The following DNAJC5 variants were observed in gnomAD, a reference collection of about 807,000 sequenced individuals.
The protein encoded by DNAJC5 is dnaJ homolog subfamily C member 5.
Under a neutral mutation model 23.2 loss-of-function variants are expected in DNAJC5, and 1 was observed. The observed-to-expected ratio is 0.04, with a 90% CI of 0.02 to 0.20. The LOEUF (loss-of-function observed/expected upper bound fraction) is 0.20, where lower values mean the gene tolerates loss of function less well. Among genes scored for constraint, DNAJC5 ranks in the 10% least tolerant of loss-of-function variants. DNAJC5 has a pLI of 1.00. For synonymous variants in DNAJC5, 136 were observed against 120.0 expected (o/e 1.13, Z -0.87); for missense variants, 180 against 267.0 (o/e 0.67, Z 2.27).
chr20:63,906,113 G>T (rs2053447040), intron 1 of DNAJC5, among the ~76,000 whole-genome samples: 1 of 152,230 alleles, frequency 6.6e-6, no homozygotes, highest in South Asian at 2.1e-4. Flanking sequence ...TTCAAGCTGA[G>T]AATTAATTAA....
rs549807245 is a variant in DNAJC5, at chr20:63,928,978, C to T, written c.108-334C>T. 1.3e-4 allele frequency among the ~76,000 whole-genome samples: 20 copies of T among 152,346 alleles called. No individual in the cohort carries two copies. The highest frequency in any genetic ancestry group is 3.3e-4 in the Admixed American group (5 of 15,308). On this transcript the variant is annotated intron_variant, in intron 2 of 4. Coordinates refer to ENST00000360864, the MANE Select transcript of DNAJC5 (RefSeq NM_025219.3). This position sits in a 1 kb window ranked among gnomAD's most constrained non-coding sequence, Gnocchi z 4.6. Reference sequence around the variant, plus strand: ...TTCTTAAAGTGCCATCATTACGCCCCGCCGTGCTTACCGTTCACTTGGCAC... The same window carrying T: ...TTCTTAAAGTGCCATCATTACGCCCTGCCGTGCTTACCGTTCACTTGGCAC...
chr20:63,898,929 G>A (rs1489103636), intron 1 of DNAJC5, among the ~76,000 whole-genome samples: 1 of 152,182 alleles, frequency 6.6e-6, no homozygotes, highest in East Asian at 1.9e-4. Context: ...ACAAAGTCCT[G>A]AGATGTGTCC....
intron 1 of DNAJC5, among the ~76,000 whole-genome samples, chr20:63,925,184 G>A (rs1047102334): frequency 6.6e-6 from 1 of 151,706 alleles, no homozygotes; most frequent in South Asian, 2.1e-4. Context: ...GCATGACAGT[G>A]TAGAAAACCA....
At chr20:63,921,944 A>T (rs1294758194) in intron 1 of DNAJC5, among the ~76,000 whole-genome samples, 1 of 151,894 alleles carries the variant, frequency 6.6e-6, no homozygotes, top group African/African-American at 2.4e-5. Context: ...ACACCCAGCT[A>T]ATTTTTGTAT....
At chr20:63,916,390 G>T (rs2053515799) in intron 1 of DNAJC5, among the ~76,000 whole-genome samples, 1 of 152,188 alleles carries the variant, frequency 6.6e-6, no homozygotes, top group African/African-American at 2.4e-5. Flanking sequence ...TATCGGTAGG[G>T]CCGCGATGCC....
chr20:63,895,447 C>T (rs1425226567), intron 1 of DNAJC5, 124 bp downstream of exon 1: 3 of 146,912 alleles, frequency 2.0e-5, no homozygotes, highest in African/African-American at 7.4e-5. Context: ...ACCCCCGGGC[C>T]GGGGCTGCGC....
In DNAJC5 at chr20:63,935,036, C is replaced by T. The variant is rs1389325866; in HGVS notation, c.*3468C>T. 3 of 152,270 alleles carry T rather than the reference C, an allele frequency of 2.0e-5. No individual in the cohort carries two copies. Among genetic ancestry groups the T allele is most frequent in the Admixed American group, 1.3e-4 (2 of 15,282 alleles). 9.4% of individuals were successfully genotyped at this position (152,270 alleles called of 1,614,324 possible). ...TCTCACCCTTTCCCAGTATTCAGAG[C>T]TGTGAACCCCTGTGGCGCAGGACTG... On this transcript the variant is annotated 3_prime_UTR_variant, in exon 5 of 5. Transcript: ENST00000360864.
intron 1 of DNAJC5, among the ~76,000 whole-genome samples, chr20:63,916,363 C>G (rs974228966): frequency 1.4e-4 from 21 of 152,304 alleles, no homozygotes; most frequent in African/African-American, 4.6e-4. Context: ...CAGCTGGGCC[C>G]CCCGGGTGAC....
rs2427560 is a variant in DNAJC5, at chr20:63,920,635, G to T, written c.-11-7700G>T. Among the ~76,000 whole-genome samples, 30,188 of 152,228 alleles carry T rather than the reference G, an allele frequency of 0.2. 4,505 individuals carry two copies. The highest frequency in any genetic ancestry group is 0.58 in the East Asian group (2,983 of 5,174). On this transcript the variant is annotated intron_variant, in intron 1 of 4. Transcript: ENST00000360864. This position sits in a 1 kb window ranked among gnomAD's most constrained non-coding sequence, Gnocchi z 4.6. ...GAACGGACTGGGATACGCTGGATTT[G>T]TAAAACGTGACCCTTTTTGTTTGCT...
chr20:63,904,091 G>T (rs1278672044), intron 1 of DNAJC5, among the ~76,000 whole-genome samples: 1 of 152,168 alleles, frequency 6.6e-6, no homozygotes. Flanking sequence ...ACTCTGAAAT[G>T]AGGCAAACCG....
At position 63,929,705 on chromosome 20, in the gene DNAJC5, C is replaced by A. The variant is rs532423762; in HGVS notation, c.321+180C>A. ...GGGCACCCGAGTCACTCCTGCCGTG[C>A]GGGCGCCCGAGTCACTCCTGCCGTG... On this transcript the variant is annotated intron_variant, in intron 3 of 4. Coordinates refer to ENST00000360864, the MANE Select transcript of DNAJC5 (RefSeq NM_025219.3). The surrounding 1 kb of genome is among the most constrained non-coding windows in gnomAD (Gnocchi z 8.6). Among the ~76,000 whole-genome samples, 1 of 149,256 alleles carries A rather than the reference C, an allele frequency of 6.7e-6. No homozygotes were observed. Among genetic ancestry groups the A allele is most frequent in the African/African-American group, 2.5e-5 (1 of 39,774 alleles).
chr20:63,921,040 A>G (rs1436190202), intron 1 of DNAJC5, among the ~76,000 whole-genome samples: 2 of 151,846 alleles, frequency 1.3e-5, no homozygotes, highest in African/African-American at 2.4e-5. Context: ...GCTCGCTGCA[A>G]ACTCCACCTC....
chr20:63,925,075 CCTGTGTGG>C (rs753905724), intron 1 of DNAJC5, among the ~76,000 whole-genome samples: 33 of 152,176 alleles, frequency 2.2e-4, no homozygotes, highest in Non-Finnish European at 4.4e-4. Flanking sequence ...GGAAAGTCCG[CCTGTGTGG>C]CTGGGTCTGG....
At position 63,933,595 on chromosome 20, in the gene DNAJC5, G is replaced by A. The variant is rs1767770836; in HGVS notation, c.*2027G>A. On this transcript the variant is annotated 3_prime_UTR_variant, in exon 5 of 5. Transcript: ENST00000360864. ...CATTGTTTGGCCCATCCTGAAAGGT[G>A]AGGTGGCGAGACAGTGGGGTGCCTC... The A allele has an allele frequency of 6.6e-6, 1 of 152,400 alleles. No individual in the cohort carries two copies. The highest frequency in any genetic ancestry group is 2.4e-5 in the African/African-American group (1 of 41,464). 9.4% of individuals were successfully genotyped at this position (152,400 alleles called of 1,614,324 possible).
rs979718515 is a variant in DNAJC5 at position 63,929,186 on chromosome 20, G to C, written c.108-126G>C. 7.1e-6 allele frequency: 8 copies of C among 1,124,256 alleles called. No individual in the cohort carries two copies. Among genetic ancestry groups the C allele is most frequent in the Non-Finnish European group, 9.2e-6 (7 of 762,754 alleles). 69.6% of individuals were successfully genotyped at this position (1,124,256 alleles called of 1,614,324 possible). ...CCCTGCAGCCCTGGAGAGTCGGACA[G>C]TGAGGTGGCCTGGGTGGACCTGCCT... On this transcript the variant is annotated intron_variant, in intron 2 of 4. Coordinates refer to ENST00000360864, the MANE Select transcript of DNAJC5 (RefSeq NM_025219.3). This position sits in a 1 kb window ranked among gnomAD's most constrained non-coding sequence, Gnocchi z 8.6.
intron 3 of DNAJC5, among the ~76,000 whole-genome samples, chr20:63,930,639 G>A (rs1314373814): frequency 1.3e-5 from 2 of 152,228 alleles, no homozygotes; most frequent in Non-Finnish European, 2.9e-5. Context: ...GGGCCACCAC[G>A]CCCGTCTTGG....
chr20:63,931,235 C>T lies in DNAJC5; in HGVS notation c.493+213C>T, dbSNP rs1288019776. Reference sequence around the variant, plus strand: ...GCCGTGACCTGCGGTAGCCGTAGATCCCAGGGACTGCGAGGCGGGGCAGGG... The same window carrying T: ...GCCGTGACCTGCGGTAGCCGTAGATTCCAGGGACTGCGAGGCGGGGCAGGG... On this transcript the variant is annotated intron_variant, in intron 4 of 4. Coordinates refer to ENST00000360864, the MANE Select transcript of DNAJC5 (RefSeq NM_025219.3). The surrounding 1 kb of genome is among the most constrained non-coding windows in gnomAD (Gnocchi z 9.6). 1.3e-6 allele frequency: 1 copy of T among 788,748 alleles called. No homozygotes were observed. Among genetic ancestry groups the T allele is most frequent in the Non-Finnish European group, 2.1e-6 (1 of 465,678 alleles). 48.9% of individuals were successfully genotyped at this position (788,748 alleles called of 1,614,324 possible).
intron 1 of DNAJC5, among the ~76,000 whole-genome samples, chr20:63,910,847 A>G (rs1210095119): frequency 2.0e-5 from 3 of 151,788 alleles, no homozygotes; most frequent in Non-Finnish European, 2.9e-5. Context: ...TAATTTTTGT[A>G]TTTTTAGTAG....
chr20:63,902,771 GT>G (rs1378584024), intron 1 of DNAJC5, among the ~76,000 whole-genome samples: 1 of 151,244 alleles, frequency 6.6e-6, no homozygotes, highest in Non-Finnish European at 1.5e-5. Context: ...TGCCACCTGG[GT>G]TCATGCCATT....
Sources: gnomAD v4.1 joint callset for allele counts (sites outside exome capture counted in the v4.1 genomes callset) on GRCh38, gnomAD v4.1.1 for gene constraint, Gnocchi (gnomAD v3.1) non-coding constraint, MANE v1.5 for transcripts, NCBI Gene and HGNC (gene_info 2026-07-23, HGNC 2026-07-21) for gene names.